PIK3C2G: variants seen among roughly 807,000 people sequenced by gnomAD.
PIK3C2G encodes phosphatidylinositol 3-kinase C2 domain-containing subunit gamma.
Under a neutral mutation model 181.1 loss-of-function variants are expected in PIK3C2G, and 168 were observed. The observed-to-expected ratio is 0.93, with a 90% CI of 0.82 to 1.05. PIK3C2G has a LOEUF of 1.05. PIK3C2G is among the 50% of genes least tolerant of loss of function. The probability of loss-of-function intolerance (pLI) is 0.00; values close to 1 mark genes in which losing one functional copy is unlikely to be tolerated. For missense variants in PIK3C2G, 1,869 were observed against 1,732.8 expected (o/e 1.08, Z -1.40); for synonymous variants, 573 against 592.2 (o/e 0.97, Z 0.47).
At chr12:18,598,454 A>C (rs1365724489) in intron 30 of PIK3C2G, among the ~76,000 whole-genome samples, 1 of 151,728 alleles carries the variant, frequency 6.6e-6, no homozygotes, top group Non-Finnish European at 1.5e-5. Context: ...ATATGTAGAA[A>C]GCTGAAACTG....
intron 1 of PIK3C2G, among the ~76,000 whole-genome samples, chr12:18,267,989 G>A (rs1474491705): frequency 6.6e-6 from 1 of 152,186 alleles, no homozygotes. Context: ...GCTACTGAAA[G>A]GTGTTGCTGT....
chr12:18,437,983 G>A (rs1311361002), intron 18 of PIK3C2G, among the ~76,000 whole-genome samples: 2 of 151,756 alleles, frequency 1.3e-5, no homozygotes, highest in African/African-American at 4.8e-5. Flanking sequence ...AATAGATAAC[G>A]CTTGCAGAGG....
intron 16 of PIK3C2G, among the ~76,000 whole-genome samples, chr12:18,405,396 T>TGTG (rs746678614): frequency 0.012 from 1,483 of 122,040 alleles, 12 homozygotes; most frequent in African/African-American, 0.03. Context: ...CAGCAACATT[T>TGTG]GTGTTGTTGT....
At position 18,626,036 on chromosome 12, in the gene PIK3C2G, A is replaced by T. The variant is rs551523966; in HGVS notation, c.4183-14393A>T. ...ACATTCAAAGTAAGTATTGACAGGT[A>T]AAGACTTACTAGTATCATTTTGTTA... is the stretch of plus-strand genomic sequence containing the variant. On this transcript the variant is annotated intron_variant, in intron 31 of 32. Coordinates refer to ENST00000538779, the MANE Select transcript of PIK3C2G (RefSeq NM_001288772.2). Among the ~76,000 whole-genome samples, 106 of 151,704 alleles carry T rather than the reference A, an allele frequency of 7.0e-4. 1 individual carries two copies. In the South Asian group the frequency reaches 0.022, roughly 31 times the overall value.
chr12:18,255,644 G>A (rs1488271781), intron 1 of PIK3C2G, among the ~76,000 whole-genome samples: 1 of 152,096 alleles, frequency 6.6e-6, no homozygotes, highest in African/African-American at 2.4e-5. Flanking sequence ...ATCAGGCATC[G>A]TTCCTCTCCA....
intron 32 of PIK3C2G, among the ~76,000 whole-genome samples, chr12:18,641,440 G>C (rs2171331): frequency 0.41 from 61,808 of 151,810 alleles, 14,054 homozygotes; most frequent in East Asian, 0.74. Flanking sequence ...ACTGACCACA[G>C]CCCCATTCCT....
At chr12:18,651,397 T>C (rs1950511649), downstream of PIK3C2G, among the ~76,000 whole-genome samples, 1 of 152,178 alleles carries the variant, frequency 6.6e-6, no homozygotes, top group Non-Finnish European at 1.5e-5. Flanking sequence ...ACTTTTATCT[T>C]ATGCACTTAT....
the PIK3C2G span, chr12:18,694,922 T>C: frequency 6.3e-7 from 1 of 1,593,292 alleles, no homozygotes; most frequent in Non-Finnish European, 8.6e-7. Context: ...TTATTGTAAG[T>C]GTAATTGGCA....
chr12:18,693,328 A>T, the PIK3C2G span: 2 of 1,553,348 alleles, frequency 1.3e-6, no homozygotes, highest in Non-Finnish European at 1.8e-6. Context: ...CAAGAGACCT[A>T]TGCAGATACT....
chr12:18,405,402 GTTGT>G lies in PIK3C2G; in HGVS notation c.2315+5557_2315+5560del, dbSNP rs1565685058. On this transcript the variant is annotated intron_variant, in intron 16 of 32. Coordinates refer to ENST00000538779, the MANE Select transcript of PIK3C2G (RefSeq NM_001288772.2). ...TCTGGAGAACAGCAACATTTGTGTTGTTGTTGTTGTTGTTGTTGTTGTTGTTGTT... is the reference window on the plus strand; with the variant it reads ...TCTGGAGAACAGCAACATTTGTGTTGTGTTGTTGTTGTTGTTGTTGTTGTT... Among the ~76,000 whole-genome samples, 713 of 148,998 alleles carry G rather than the reference GTTGT, an allele frequency of 4.8e-3. 7 individuals are homozygous for G. The highest frequency in any genetic ancestry group is 0.018 in the African/African-American group (688 of 39,060).
the PIK3C2G span, chr12:18,712,719 G>A: frequency 3.3e-6 from 4 of 1,228,002 alleles, no homozygotes; most frequent in South Asian, 1.3e-5. Flanking sequence ...GCCTACTAAT[G>A]GATCATAACC....
intron 15 of PIK3C2G, among the ~76,000 whole-genome samples, chr12:18,396,765 G>GA (rs2138097440): frequency 6.6e-6 from 1 of 151,142 alleles, no homozygotes; most frequent in African/African-American, 2.4e-5. Flanking sequence ...CTTTCCTAAG[G>GA]AAAATTAAAG....
Position 18,562,912 on chromosome 12 carries a change from T to C in PIK3C2G, c.3780+20T>C. ...AGTAATGTAAGTTTAAAGTCCGTCATCTTGACTTACGTATCACTTGACTTT... is the reference window on the plus strand; with the variant it reads ...AGTAATGTAAGTTTAAAGTCCGTCACCTTGACTTACGTATCACTTGACTTT... On this transcript the variant is annotated intron_variant, in intron 27 of 32. Transcript: ENST00000538779. 1 of 1,534,870 alleles carries C rather than the reference T, an allele frequency of 6.5e-7. No homozygotes were observed. Among genetic ancestry groups the C allele is most frequent in the African/African-American group, 1.4e-5 (1 of 73,308 alleles).
chr12:18,718,959 A>T, the PIK3C2G span, among the ~76,000 whole-genome samples: 95 of 152,340 alleles, frequency 6.2e-4, no homozygotes, highest in Non-Finnish European at 1.3e-3. Context: ...ACTCTTTAAC[A>T]TACAAGTCTA....
chr12:18,357,387 G>A (rs1940841523), intron 11 of PIK3C2G, among the ~76,000 whole-genome samples: 1 of 152,102 alleles, frequency 6.6e-6, no homozygotes, highest in South Asian at 2.1e-4. Context: ...TTCAAACACA[G>A]TATGTACTTT....
rs1250992229 is a variant in PIK3C2G, at chr12:18,538,141, GT to G, written c.3324-10del. The G allele has an allele frequency of 5.6e-6, 9 of 1,602,746 alleles. No homozygotes were observed. Among genetic ancestry groups the G allele is most frequent in the Admixed American group, 1.7e-5 (1 of 58,234 alleles). On this transcript the variant is annotated splice_polypyrimidine_tract_variant and intron_variant, in intron 24 of 32. Transcript: ENST00000538779. ...TCTCTTCCTTCGAATGATTGCTACTGTTTTTGGTTTACAGGGACCGAGCTCC... is the reference window on the plus strand; with the variant it reads ...TCTCTTCCTTCGAATGATTGCTACTGTTTTGGTTTACAGGGACCGAGCTCC...
intron 29 of PIK3C2G, among the ~76,000 whole-genome samples, chr12:18,577,213 A>G (rs1198256367): frequency 6.6e-6 from 1 of 152,222 alleles, no homozygotes; most frequent in Non-Finnish European, 1.5e-5. Flanking sequence ...GAAGCCAGGC[A>G]TGCACAGGCA....
intron 13 of PIK3C2G, among the ~76,000 whole-genome samples, chr12:18,378,007 C>T (rs1396359461): frequency 6.6e-6 from 1 of 152,140 alleles, no homozygotes; most frequent in Non-Finnish European, 1.5e-5. Flanking sequence ...AACAGGCATG[C>T]ATCACCATTT....
At chr12:18,666,595 GA>G in the PIK3C2G span, among the ~76,000 whole-genome samples, 428 of 152,244 alleles carry the variant, frequency 2.8e-3, 3 homozygotes, top group African/African-American at 9.5e-3. Flanking sequence ...ATTGAAGAAA[GA>G]AACAGATAGT....
Sources: allele counts gnomAD v4.1 joint callset (sites outside exome capture counted in the v4.1 genomes callset), GRCh38; gene constraint gnomAD v4.1.1; transcripts MANE v1.5; gene names NCBI Gene and HGNC (gene_info 2026-07-23, HGNC 2026-07-21).